ARRB2: variants seen among roughly 807,000 people sequenced by gnomAD.
The protein encoded by ARRB2 is arrestin beta 2, also known as beta-arrestin-2.
A neutral mutation model predicts 53.4 loss-of-function variants in ARRB2; 21 were observed. The observed-to-expected ratio is 0.39, with a 90% CI of 0.28 to 0.57. The LOEUF is 0.57. Ranked by LOEUF, ARRB2 falls within the 20% of genes least tolerant of loss-of-function variation. The pLI is 0.55. For missense variants in ARRB2, 369 were observed against 527.5 expected, an observed-to-expected ratio of 0.70 and a Z score of 2.94; for synonymous variants, 180 against 212.9, an observed-to-expected ratio of 0.85 and a Z score of 1.34.
chr17:4,721,099 T>TC lies in ARRB2; in HGVS notation c.*64dup. 6 of 1,523,950 alleles carry TC rather than the reference T, an allele frequency of 3.9e-6. No individual in the cohort carries two copies. The highest frequency in any genetic ancestry group is 5.4e-6 in the Non-Finnish European group (6 of 1,102,248). The allele number at this position is 1,523,950 out of a possible 1,614,324, so 94.4% of individuals were successfully genotyped here. On this transcript the variant is annotated 3_prime_UTR_variant, in exon 15 of 15. Transcript: ENST00000269260. This position sits in a 1 kb window ranked among gnomAD's most constrained non-coding sequence, Gnocchi z 4.2. ...GGGAGAGGTGAGGGCAGGATTAAGATCCCCACTGTCAATGGGGGATTGTCC... is the reference window on the plus strand; with the variant it reads ...GGGAGAGGTGAGGGCAGGATTAAGATCCCCCACTGTCAATGGGGGATTGTCC...
At chr17:4,714,541 AG>A (rs1316894651) in intron 1 of ARRB2, 1 of 241,282 alleles carries the variant, frequency 4.1e-6, no homozygotes, top group African/African-American at 2.3e-5. Context: ...GGGACGAATG[AG>A]GGTGGACAAG....
At position 4,716,519 on chromosome 17, in the gene ARRB2, C is replaced by A. The variant is rs1169449637; in HGVS notation, c.268C>A (p.Pro90Thr). 3 of 1,613,342 alleles carry A rather than the reference C, an allele frequency of 1.9e-6. No homozygotes were observed. The South Asian group carries it at 3.3e-5, about 18-fold the overall frequency. The change falls in exon 5 of 15, where the codon CCG becomes ACG. Residue 90 changes from proline (P) to threonine (T), a missense_variant. Pro to Thr is a conservative substitution (Grantham distance 38). Transcript: ENST00000269260. ...LFIATYQAFP[P>T]VPNPPRPPTR... ...CATCGCCACCTACCAGGCCTTCCCC[C>A]CGGTGCCCAACCCACCCCGGCCCCC...
rs1288071516 is a variant in ARRB2, at chr17:4,717,719, G to A, written c.452G>A (p.Cys151Tyr). 4 of 1,614,202 alleles carry A rather than the reference G, an allele frequency of 2.5e-6. No homozygotes were observed. The South Asian group carries it at 3.3e-5, about 13-fold the overall frequency. Residue 151 changes from cysteine (C) to tyrosine (Y), a missense_variant, in exon 7 of 15, where the codon TGT (cysteine) becomes TAT (tyrosine). Coordinates refer to ENST00000269260, the MANE Select transcript of ARRB2 (RefSeq NM_004313.4). The surrounding 1 kb of genome is among the most constrained non-coding windows in gnomAD (Gnocchi z 6.0). ...CGVDFEIRAF[C>Y]AKSLEEKSHK... is the part of the protein sequence containing the mutation. ...GTAGACTTTGAGATTCGAGCCTTCTGTGCTAAATCACTAGAAGAGAAAAGC... is the reference window on the plus strand; with the variant it reads ...GTAGACTTTGAGATTCGAGCCTTCTATGCTAAATCACTAGAAGAGAAAAGC...
intron 2 of ARRB2, chr17:4,715,494 C>CACACACACAG (rs1193594895): frequency 3.7e-5 from 6 of 162,760 alleles, no homozygotes; most frequent in South Asian, 1.2e-4. Context: ...CAGACACACA[C>CACACACACAG]ACACATACAC....
Position 4,721,141 on chromosome 17 carries a change from C to T in ARRB2, c.*102C>T. ...GGATTGTCCCAGCCCCTCTTCCCTT[C>T]CCCTCACCTGGAAGCTTCTTCAACC... On this transcript the variant is annotated 3_prime_UTR_variant, in exon 15 of 15. Transcript: ENST00000269260. This position sits in a 1 kb window ranked among gnomAD's most constrained non-coding sequence, Gnocchi z 4.2. The T allele has an allele frequency of 8.1e-7, 1 of 1,230,950 alleles. No individual in the cohort carries two copies. 76.3% of individuals were successfully genotyped at this position (1,230,950 alleles called of 1,614,324 possible). A position where few individuals can be genotyped will look rare whatever the true frequency, so the allele number is the denominator to read the frequency against.
intron 1 of ARRB2, among the ~76,000 whole-genome samples, chr17:4,713,040 G>A (rs967156547): frequency 1.3e-5 from 2 of 152,178 alleles, no homozygotes; most frequent in Non-Finnish European, 2.9e-5. Context: ...CCAGGCTGGA[G>A]TGCAGTGGCT....
In ARRB2 at chr17:4,721,109, C is replaced by G. The variant is rs1439166328; in HGVS notation, c.*70C>G. 2.1e-6 allele frequency: 3 copies of G among 1,457,976 alleles called. No homozygotes were observed. The highest frequency in any genetic ancestry group is 1.9e-6 in the Non-Finnish European group (2 of 1,044,102). 90.3% of individuals were successfully genotyped at this position (1,457,976 alleles called of 1,614,324 possible). On this transcript the variant is annotated 3_prime_UTR_variant, in exon 15 of 15. Coordinates refer to ENST00000269260, the MANE Select transcript of ARRB2 (RefSeq NM_004313.4). This position sits in a 1 kb window ranked among gnomAD's most constrained non-coding sequence, Gnocchi z 4.2. ...AGGGCAGGATTAAGATCCCCACTGTCAATGGGGGATTGTCCCAGCCCCTCT... is the reference window on the plus strand; with the variant it reads ...AGGGCAGGATTAAGATCCCCACTGTGAATGGGGGATTGTCCCAGCCCCTCT...
At position 4,719,334 on chromosome 17, in the gene ARRB2, A is replaced by G. The variant is rs1915447824; in HGVS notation, c.831A>G (p.Pro277=). Reference sequence around the variant, plus strand: ...TCTGTAAGGTGTACACCATAACCCCACTGCTCAGCGACAACCGGGAGAAGC... The same window carrying G: ...TCTGTAAGGTGTACACCATAACCCCGCTGCTCAGCGACAACCGGGAGAAGC... ...STFCKVYTIT[P]LLSDNREKRG... The change falls in exon 11 of 15, where the codon CCA becomes CCG. Residue 277 remains proline, a synonymous_variant. Coordinates refer to ENST00000269260, the MANE Select transcript of ARRB2 (RefSeq NM_004313.4). 6.2e-7 allele frequency: 1 copy of G among 1,613,876 alleles called. No individual in the cohort carries two copies. The highest frequency in any genetic ancestry group is 1.3e-5 in the African/African-American group (1 of 74,872).
intron 1 of ARRB2, among the ~76,000 whole-genome samples, chr17:4,713,094 C>T (rs181018779): frequency 5.2e-4 from 79 of 152,320 alleles, no homozygotes; most frequent in African/African-American, 1.2e-3. Context: ...CGGTGGCTCA[C>T]GCCTGTAATC....
chr17:4,720,237 G>A lies in ARRB2; in HGVS notation c.939G>A (p.Lys313=). ...SSTIVKEGAN[K]EVLGILVSYR... Reference sequence around the variant, plus strand: ...GCAGCGTGAAGGAGGGTGCCAACAAGGAGGTGCTGGGAATCCTGGTGTCCT... The same window carrying A: ...GCAGCGTGAAGGAGGGTGCCAACAAAGAGGTGCTGGGAATCCTGGTGTCCT... The change falls in exon 12 of 15, where the codon AAG becomes AAA. Residue 313 remains lysine (K), a synonymous_variant. Coordinates refer to ENST00000269260, the MANE Select transcript of ARRB2 (RefSeq NM_004313.4). The A allele has an allele frequency of 1.2e-6, 2 of 1,613,722 alleles. No individual in the cohort carries two copies. The highest frequency in any genetic ancestry group is 1.7e-6 in the Non-Finnish European group (2 of 1,179,846).
Position 4,721,208 on chromosome 17 carries a change from C to G in ARRB2, c.*169C>G, listed in dbSNP as rs955619315. The G allele has an allele frequency of 1.6e-5, 10 of 629,032 alleles. No homozygotes were observed. The East Asian group carries it at 3.0e-4, about 19-fold the overall frequency. 39.0% of individuals were successfully genotyped at this position (629,032 alleles called of 1,614,324 possible). The stretch of plus-strand genomic sequence containing the variant: ...CTCCCCCATCCCCCCAAGATACACA[C>G]TGGACCCTCTCTTGCTGAATGTGGG... On this transcript the variant is annotated 3_prime_UTR_variant, in exon 15 of 15. Coordinates refer to ENST00000269260, the MANE Select transcript of ARRB2 (RefSeq NM_004313.4). This position sits in a 1 kb window ranked among gnomAD's most constrained non-coding sequence, Gnocchi z 4.2.
chr17:4,719,025 C>T (rs1036628593), intron 10 of ARRB2, among the ~76,000 whole-genome samples: 11 of 152,306 alleles, frequency 7.2e-5, no homozygotes, highest in South Asian at 2.1e-4. Flanking sequence ...CCACCCGTCG[C>T]GGCCTCTCAA....
rs140958607 is a variant in ARRB2 at position 4,720,625 on chromosome 17, T to C, written c.1121T>C (p.Ile374Thr). The C allele has an allele frequency of 5.1e-5, 81 of 1,578,792 alleles. No homozygotes were observed. Among genetic ancestry groups the C allele is most frequent in the Non-Finnish European group, 6.4e-5 (74 of 1,164,880 alleles). Residue 374 changes from isoleucine (I) to threonine (T), a missense_variant, in exon 14 of 15, where the codon ATT (isoleucine) becomes ACT (threonine). Coordinates refer to ENST00000269260, the MANE Select transcript of ARRB2 (RefSeq NM_004313.4). Reference sequence around the variant, plus strand: ...GATGTCCCTGTGGACACCAACCTCATTGAATTTGATACCAAGTAAGAAACT... The same window carrying C: ...GATGTCCCTGTGGACACCAACCTCACTGAATTTGATACCAAGTAAGAAACT... ...ETDVPVDTNL[I>T]EFDTNYATDD...
At position 4,717,965 on chromosome 17, in the gene ARRB2, C is replaced by T. The variant is rs1367675969; in HGVS notation, c.563C>T (p.Thr188Ile). ...GGCCCCCAGCCTTCAGCCGAAACCACACGCCACTTCCTCATGTCTGACCGG... is the reference window on the plus strand; with the variant it reads ...GGCCCCCAGCCTTCAGCCGAAACCATACGCCACTTCCTCATGTCTGACCGG... ...KPGPQPSAET[T>I]RHFLMSDRSL... The change falls in exon 8 of 15, where the codon ACA becomes ATA. Residue 188 changes from threonine to isoleucine, a missense_variant. Physicochemically the swap from Thr to Ile is moderately conservative, Grantham distance 89 (BLOSUM62 -1). Coordinates refer to ENST00000269260, the MANE Select transcript of ARRB2 (RefSeq NM_004313.4). The surrounding 1 kb of genome is among the most constrained non-coding windows in gnomAD (Gnocchi z 6.0). 1 of 1,613,792 alleles carries T rather than the reference C, an allele frequency of 6.2e-7. No individual in the cohort carries two copies. Among genetic ancestry groups the T allele is most frequent in the South Asian group, 1.1e-5 (1 of 91,088 alleles).
chr17:4,713,414 C>T (rs1030047445), intron 1 of ARRB2, among the ~76,000 whole-genome samples: 6 of 151,910 alleles, frequency 3.9e-5, no homozygotes, highest in African/African-American at 1.5e-4. Flanking sequence ...AGGTGGATCA[C>T]GAGGTCGGGA....
intron 11 of ARRB2, 134 bp downstream of exon 11, chr17:4,719,554 G>T: frequency 7.6e-7 from 1 of 1,308,462 alleles, no homozygotes; most frequent in Non-Finnish European, 1.0e-6. Flanking sequence ...GGGGAGGGAG[G>T]ATAGCCAAAT....
intron 2 of ARRB2, 121 bp downstream of exon 2, chr17:4,715,164 G>C (rs1256890817): frequency 1.7e-6 from 2 of 1,182,296 alleles, no homozygotes; most frequent in Admixed American, 5.3e-5. Context: ...CCCACTTCCT[G>C]TGACAGCTAA....
chr17:4,717,805 C>G lies in ARRB2; in HGVS notation c.485+53C>G. ...TAAGAGGAGGCTTTCCTCCCCGCTT[C>G]CAGGAGCCCAGGCCCCGTGCGGGGG... On this transcript the variant is annotated intron_variant, in intron 7 of 14. Transcript: ENST00000269260. This position sits in a 1 kb window ranked among gnomAD's most constrained non-coding sequence, Gnocchi z 6.0. 1 of 1,601,970 alleles carries G rather than the reference C, an allele frequency of 6.2e-7. No individual in the cohort carries two copies. Among genetic ancestry groups the G allele is most frequent in the Non-Finnish European group, 8.5e-7 (1 of 1,173,886 alleles).
rs1487745169 is a variant in ARRB2, at chr17:4,721,261, T to C, written c.*222T>C. ...TTAATTTTTTGACTGCAGCTCTGCT[T>C]CTCCAGCCCCGCCGTGGGTGGCAAG... is the stretch of plus-strand genomic sequence containing the variant. On this transcript the variant is annotated 3_prime_UTR_variant, in exon 15 of 15. Coordinates refer to ENST00000269260, the MANE Select transcript of ARRB2 (RefSeq NM_004313.4). This position sits in a 1 kb window ranked among gnomAD's most constrained non-coding sequence, Gnocchi z 4.2. 3 of 519,858 alleles carry C rather than the reference T, an allele frequency of 5.8e-6. No homozygotes were observed. Among genetic ancestry groups the C allele is most frequent in the Non-Finnish European group, 1.0e-5 (3 of 295,286 alleles). The allele number at this position is 519,858 out of a possible 1,614,324, so 32.2% of individuals were successfully genotyped here.
Sources: gnomAD v4.1 joint callset for allele counts (sites outside exome capture counted in the v4.1 genomes callset) on GRCh38, gnomAD v4.1.1 for gene constraint, Gnocchi (gnomAD v3.1) non-coding constraint, MANE v1.5 for transcripts, NCBI Gene and HGNC (gene_info 2026-07-23, HGNC 2026-07-21) for gene names.